Variants in TMEM131L observed in about 807,000 individuals in gnomAD.
TMEM131L encodes transmembrane 131 like.
A neutral mutation model predicts 192.2 loss-of-function variants in TMEM131L; 54 were observed. That is an observed-to-expected ratio of 0.28 (90% CI 0.23 to 0.35). The LOEUF is 0.35. TMEM131L is among the 10% of genes least tolerant of loss of function. The probability of loss-of-function intolerance (pLI) is 1.00; values close to 1 mark genes in which losing one functional copy is unlikely to be tolerated. For synonymous variants in TMEM131L, 701 were observed against 704.9 expected (o/e 0.99, Z 0.09); for missense variants, 1,888 against 1,972.9 (o/e 0.96, Z 0.82).
At chr4:153,503,366 A>G (rs760569789) in intron 3 of TMEM131L, among the ~76,000 whole-genome samples, 21 of 152,190 alleles carry the variant, frequency 1.4e-4, no homozygotes, top group Non-Finnish European at 2.9e-5. Flanking sequence ...TTTAGGTAGG[A>G]TAGAGTAGGA....
intron 21 of TMEM131L, among the ~76,000 whole-genome samples, chr4:153,600,344 G>T (rs1471239650): frequency 6.6e-6 from 1 of 150,602 alleles, no homozygotes; most frequent in East Asian, 2.0e-4. Flanking sequence ...TCCAGCGTGG[G>T]TGACAGAGTG....
Position 153,582,433 on chromosome 4 carries a change from G to GTTT in TMEM131L, c.893-733_893-731dup, listed in dbSNP as rs1038256479. Among the ~76,000 whole-genome samples, 45 of 40,330 alleles carry GTTT rather than the reference G, an allele frequency of 1.1e-3. 2 individuals carry two copies. The highest frequency in any genetic ancestry group is 2.4e-3 in the African/African-American group (17 of 7,138). 26.5% of individuals were successfully genotyped at this position (40,330 alleles called of 152,430 possible). On this transcript the variant is annotated intron_variant, in intron 9 of 34. Coordinates refer to ENST00000409959, the MANE Select transcript of TMEM131L (RefSeq NM_001131007.2). ...CTAATTTAAACCGTTTTTTTTTGTT[G>GTTT]TTTTTTTTTTTTTTTTTTTTTTTTT...
chr4:153,600,480 C>T (rs1731762626), intron 21 of TMEM131L, among the ~76,000 whole-genome samples: 1 of 151,934 alleles, frequency 6.6e-6, no homozygotes, highest in Non-Finnish European at 1.5e-5. Flanking sequence ...ACAGACAGTG[C>T]AGATTTAGAA....
chr4:153,612,389 C>T lies in TMEM131L; in HGVS notation c.3556C>T (p.Pro1186Ser). The change falls in exon 26 of 35, where the codon CCT becomes TCT. Residue 1186 changes from proline (P) to serine (S), a missense_variant. Physicochemically the swap from Pro to Ser is moderately conservative, Grantham distance 74. Transcript: ENST00000409959. ...CATGTTTTCTGAGAAACAGGACATA[C>T]CTTTCGTAGAGGTCTGTATTTTTTT... is the stretch of plus-strand genomic sequence containing the variant. Reference protein sequence around the residue: ...EDMFSEKQDIPFVEQEDPYRK... With the variant: ...EDMFSEKQDISFVEQEDPYRK... The T allele has an allele frequency of 1.3e-6, 2 of 1,591,090 alleles. No homozygotes were observed. The highest frequency in any genetic ancestry group is 1.7e-6 in the Non-Finnish European group (2 of 1,173,354).
chr4:153,549,592 C>T (rs188394043), intron 3 of TMEM131L, among the ~76,000 whole-genome samples: 5 of 152,234 alleles, frequency 3.3e-5, no homozygotes, highest in Admixed American at 2.6e-4. Context: ...TGTGACCTGC[C>T]ATGTGAGATT....
chr4:153,506,656 A>G, intron 3 of TMEM131L, among the ~76,000 whole-genome samples: 1 of 152,116 alleles, frequency 6.6e-6, no homozygotes, highest in East Asian at 1.9e-4. Context: ...AGTCTGGCCA[A>G]CATGGTGAAA....
chr4:153,486,344 A>G (rs1580047100), intron 3 of TMEM131L, among the ~76,000 whole-genome samples: 1 of 152,266 alleles, frequency 6.6e-6, no homozygotes, highest in East Asian at 1.9e-4. Flanking sequence ...TGTGGAACAC[A>G]TGCCATTGTA....
chr4:153,566,392 CT>C (rs1729199768), intron 7 of TMEM131L, among the ~76,000 whole-genome samples: 1 of 152,128 alleles, frequency 6.6e-6, no homozygotes, highest in African/African-American at 2.4e-5. Context: ...GCCTCAGCCT[CT>C]CAAAGTGCCG....
chr4:153,472,345 G>A (rs759804369), intron 2 of TMEM131L, among the ~76,000 whole-genome samples: 23 of 151,996 alleles, frequency 1.5e-4, no homozygotes, highest in Non-Finnish European at 2.9e-4. Context: ...TGGTGGTAAA[G>A]TTTCTGTGTC....
At position 153,632,714 on chromosome 4, in the gene TMEM131L, G is replaced by T; in HGVS notation, c.4208-4G>T. 1.2e-6 allele frequency: 2 copies of T among 1,614,056 alleles called. No homozygotes were observed. The highest frequency in any genetic ancestry group is 1.7e-6 in the Non-Finnish European group (2 of 1,179,980). ...GTGGACTCAGGCCTTGTTCTCTTCC[G>T]TAGGTCTTTACTCACCTGGAGACCT... On this transcript the variant is annotated splice_region_variant and splice_polypyrimidine_tract_variant and intron_variant, in intron 31 of 34. Transcript: ENST00000409959.
At chr4:153,557,844 A>C (rs1467594850) in intron 6 of TMEM131L, among the ~76,000 whole-genome samples, 2 of 152,202 alleles carry the variant, frequency 1.3e-5, no homozygotes, top group Non-Finnish European at 2.9e-5. Context: ...TTTGTTGCCC[A>C]GGCTGGAGTG....
At chr4:153,546,943 C>G (rs149599969) in intron 3 of TMEM131L, among the ~76,000 whole-genome samples, 128 of 152,212 alleles carry the variant, frequency 8.4e-4, no homozygotes, top group African/African-American at 3.0e-3. Context: ...AACAAACAAA[C>G]AAATATTTGA....
chr4:153,466,811 C>T (rs1017080562), intron 1 of TMEM131L, among the ~76,000 whole-genome samples: 1 of 152,146 alleles, frequency 6.6e-6, no homozygotes, highest in Admixed American at 6.5e-5. Context: ...CGGGCGCAGC[C>T]CCCGCTTTGT....
At position 153,635,565 on chromosome 4, in the gene TMEM131L, C is replaced by T. The variant is rs1734511029; in HGVS notation, c.4551C>T (p.Ser1517=). The part of the protein sequence containing the change: ...PAAWGHASFI[S]SPPYLTSTRS... ...CCTGGGGACATGCCAGTTTCATCAG[C>T]TCTCCGGTCAGTGTTGCCCATCCTG... is the stretch of plus-strand genomic sequence containing the variant. The change falls in exon 34 of 35, where the codon AGC becomes AGT. Residue 1517 remains serine, a synonymous_variant. Transcript: ENST00000409959. 9 of 1,614,024 alleles carry T rather than the reference C, an allele frequency of 5.6e-6. No individual in the cohort carries two copies. The highest frequency in any genetic ancestry group is 2.2e-5 in the South Asian group (2 of 91,084).
At chr4:153,636,235 GTATTCACCT>G (rs1481538529) in intron 34 of TMEM131L, 57 bp from the exon 35 acceptor site, 1 of 1,420,168 alleles carries the variant, frequency 7.0e-7, no homozygotes, top group South Asian at 1.3e-5. Flanking sequence ...TCGCTGATGT[GTATTCACCT>G]TTCTAAGGCT....
intron 25 of TMEM131L, among the ~76,000 whole-genome samples, chr4:153,607,816 A>G (rs1732342830): frequency 6.6e-6 from 1 of 152,228 alleles, no homozygotes; most frequent in Non-Finnish European, 1.5e-5. Flanking sequence ...AAGAAACATA[A>G]TATTTTGTAA....
chr4:153,635,377 A>G, intron 33 of TMEM131L, 55 bp from the exon 34 acceptor site: 3 of 1,572,300 alleles, frequency 1.9e-6, no homozygotes, highest in Non-Finnish European at 2.6e-6. Context: ...GAGAGTGAGA[A>G]TTCAGTTCTC....
chr4:153,534,362 A>G (rs954754706), intron 3 of TMEM131L, among the ~76,000 whole-genome samples: 3 of 152,230 alleles, frequency 2.0e-5, no homozygotes, highest in African/African-American at 7.2e-5. Flanking sequence ...GGCTGCAGCT[A>G]TAAACAGGAG....
chr4:153,540,196 C>T (rs1219863313), intron 3 of TMEM131L, among the ~76,000 whole-genome samples: 2 of 151,890 alleles, frequency 1.3e-5, no homozygotes, highest in African/African-American at 4.8e-5. Flanking sequence ...AATATTATTC[C>T]GGGTCATAAA....
Sources: allele counts gnomAD v4.1 joint callset (sites outside exome capture counted in the v4.1 genomes callset), GRCh38; gene constraint gnomAD v4.1.1; transcripts MANE v1.5; gene names NCBI Gene and HGNC (gene_info 2026-07-23, HGNC 2026-07-21).